MPPED2: variants seen among roughly 807,000 people sequenced by gnomAD.
The protein encoded by MPPED2 is metallophosphoesterase MPPED2.
MPPED2 carries 5 observed loss-of-function variants against 33.0 expected under a neutral mutation model. The observed-to-expected ratio is 0.15, with a 90% CI of 0.08 to 0.32. The LOEUF (loss-of-function observed/expected upper bound fraction) is 0.32. Among genes scored for constraint, MPPED2 ranks in the 10% least tolerant of loss-of-function variants. MPPED2 has a pLI of 1.00. For missense variants in MPPED2, 275 were observed against 372.1 expected, an observed-to-expected ratio of 0.74 and a Z score of 2.15; for synonymous variants, 136 against 141.9, an observed-to-expected ratio of 0.96 and a Z score of 0.29.
chr11:30,459,770 C>CA (rs1950445061), intron 4 of MPPED2, among the ~76,000 whole-genome samples: 1 of 152,226 alleles, frequency 6.6e-6, no homozygotes, highest in Non-Finnish European at 1.5e-5. Context: ...GGTTGGGTAA[C>CA]ATACACCAGT....
chr11:30,449,921 C>T (rs554888443), intron 4 of MPPED2, among the ~76,000 whole-genome samples: 3 of 152,306 alleles, frequency 2.0e-5, no homozygotes, highest in Non-Finnish European at 2.9e-5. Flanking sequence ...GCCCAAACCC[C>T]CTTTCCTCTG....
intron 4 of MPPED2, among the ~76,000 whole-genome samples, chr11:30,475,213 A>G (rs506725): frequency 0.1 from 15,385 of 152,154 alleles, 1,008 homozygotes; most frequent in South Asian, 0.25. Flanking sequence ...TTGTTAAATC[A>G]TATCGAATAA....
At chr11:30,408,105 ACC>A (rs1948018592), downstream of MPPED2, among the ~76,000 whole-genome samples, 2 of 152,128 alleles carry the variant, frequency 1.3e-5, no homozygotes. Context: ...GAAAGTGAGT[ACC>A]CAGGCAAAGA....
At chr11:30,422,887 C>T (rs1396253518) in intron 4 of MPPED2, among the ~76,000 whole-genome samples, 1 of 152,144 alleles carries the variant, frequency 6.6e-6, no homozygotes, top group East Asian at 1.9e-4. Flanking sequence ...GGACCAAAGA[C>T]TCAGATGGAT....
chr11:30,579,601 A>G (rs1305664975), intron 2 of MPPED2, among the ~76,000 whole-genome samples: 1 of 152,138 alleles, frequency 6.6e-6, no homozygotes. Context: ...TTTAAACCTC[A>G]ACATGACTTA....
chr11:30,510,194 C>A (rs1375420593), intron 3 of MPPED2, among the ~76,000 whole-genome samples: 1 of 152,024 alleles, frequency 6.6e-6, no homozygotes, highest in African/African-American at 2.4e-5. Context: ...CGGTTTAAGG[C>A]CATTTTTTTT....
chr11:30,553,571 T>C (rs1333249008), intron 2 of MPPED2, among the ~76,000 whole-genome samples: 1 of 152,226 alleles, frequency 6.6e-6, no homozygotes, highest in Non-Finnish European at 1.5e-5. Context: ...TTTTTGCACT[T>C]CTAGGCACAG....
intron 3 of MPPED2, among the ~76,000 whole-genome samples, chr11:30,496,093 G>A (rs1407604755): frequency 6.6e-6 from 1 of 152,138 alleles, no homozygotes; most frequent in Admixed American, 6.5e-5. Context: ...ACATTAGTAA[G>A]GGCCCCCTGA....
chr11:30,495,383 T>G lies in MPPED2; in HGVS notation c.449A>C (p.Asp150Ala). 6.2e-7 allele frequency: 1 copy of G among 1,614,140 alleles called. No individual in the cohort carries two copies. Among genetic ancestry groups the G allele is most frequent in the Non-Finnish European group, 8.5e-7 (1 of 1,179,990 alleles). Residue 150 changes from aspartate (D) to alanine (A), a missense_variant, in exon 4 of 7, where the codon GAC (aspartate) becomes GCC (alanine). By Grantham distance (126) the Asp-to-Ala change is moderately radical. Transcript: ENST00000358117. ...GTTTGTCAGGAGGGACTGAACATTG[T>G]CAAAGTCCTCTGGTTTCAATTTGGA... ...SVSKLKPEDF[D>A]NVQSLLTNSI...
chr11:30,539,073 G>A (rs1465127589), intron 2 of MPPED2, among the ~76,000 whole-genome samples: 1 of 152,082 alleles, frequency 6.6e-6, no homozygotes, highest in Non-Finnish European at 1.5e-5. Context: ...AATTCCAGTG[G>A]AGATAATTAA....
intron 4 of MPPED2, among the ~76,000 whole-genome samples, chr11:30,444,231 G>T (rs1004729219): frequency 6.6e-6 from 1 of 152,132 alleles, no homozygotes; most frequent in Non-Finnish European, 1.5e-5. Context: ...GAACTGACCC[G>T]GCATGATCTG....
intron 3 of MPPED2, among the ~76,000 whole-genome samples, chr11:30,500,908 C>T (rs1952527633): frequency 6.6e-6 from 1 of 152,206 alleles, no homozygotes; most frequent in Non-Finnish European, 1.5e-5. Context: ...GGGTTGTCAT[C>T]TTGGGCTATG....
intron 4 of MPPED2, among the ~76,000 whole-genome samples, chr11:30,464,368 T>C (rs1409066541): frequency 6.6e-6 from 1 of 151,936 alleles, no homozygotes; most frequent in Non-Finnish European, 1.5e-5. Flanking sequence ...TGGACATAAT[T>C]TCACAATGAG....
chr11:30,462,372 C>T (rs948363576), intron 4 of MPPED2, among the ~76,000 whole-genome samples: 1 of 152,092 alleles, frequency 6.6e-6, no homozygotes, highest in Non-Finnish European at 1.5e-5. Context: ...GCAAAAATCA[C>T]CCACAACTTA....
intron 6 of MPPED2, 49 bp from the exon 7 acceptor site, chr11:30,411,635 G>T: frequency 6.6e-7 from 1 of 1,514,870 alleles, no homozygotes; most frequent in Non-Finnish European, 9.0e-7. Context: ...AAATGAGAGT[G>T]ATGGAATGTA....
chr11:30,544,895 G>A (rs770956623), intron 2 of MPPED2, among the ~76,000 whole-genome samples: 14 of 152,126 alleles, frequency 9.2e-5, no homozygotes, highest in African/African-American at 2.4e-4. Context: ...GAGAGTGGCC[G>A]GAAGCTGGGA....
At chr11:30,492,985 A>T (rs1952051062) in intron 4 of MPPED2, among the ~76,000 whole-genome samples, 1 of 152,254 alleles carries the variant, frequency 6.6e-6, no homozygotes, top group Non-Finnish European at 1.5e-5. Flanking sequence ...AAAATGTAGG[A>T]CAATGCCTGG....
intron 2 of MPPED2, among the ~76,000 whole-genome samples, chr11:30,575,877 C>T (rs1956909027): frequency 6.6e-6 from 1 of 152,156 alleles, no homozygotes; most frequent in Non-Finnish European, 1.5e-5. Context: ...CCAACCCTGA[C>T]AAACCAAAAT....
At chr11:30,489,982 AC>A (rs1951904697) in intron 4 of MPPED2, among the ~76,000 whole-genome samples, 2 of 151,808 alleles carry the variant, frequency 1.3e-5, no homozygotes, top group South Asian at 4.2e-4. Flanking sequence ...GAGTAAGTTT[AC>A]CCCAAATTGC....
Sources: allele counts gnomAD v4.1 joint callset (sites outside exome capture counted in the v4.1 genomes callset), GRCh38; gene constraint gnomAD v4.1.1; transcripts MANE v1.5; gene names NCBI Gene and HGNC (gene_info 2026-07-23, HGNC 2026-07-21).